The following TLR3 variants were observed in gnomAD, a reference collection of about 807,000 sequenced individuals.
The protein encoded by TLR3 is toll like receptor 3.
TLR3 carries 43 observed loss-of-function variants against 66.4 expected under a neutral mutation model. That is an observed-to-expected ratio of 0.65 (90% confidence interval 0.51 to 0.83). The LOEUF (loss-of-function observed/expected upper bound fraction) is 0.83, where lower values mean the gene tolerates loss of function less well. Ranked by LOEUF, TLR3 falls within the 40% of genes least tolerant of loss-of-function variation. The pLI is 0.00. For synonymous variants in TLR3, 397 were observed against 397.2 expected (o/e 1.00, Z 0.01); for missense variants, 982 against 1,044.6 (o/e 0.94, Z 0.83).
At position 186,079,020 on chromosome 4, in the gene TLR3, C is replaced by A; in HGVS notation, c.622C>A (p.Gln208Lys). The change falls in exon 3 of 5, where the codon CAA (glutamine) becomes AAA (lysine). Residue 208 changes from glutamine (Q) to lysine (K), a missense_variant. Gln to Lys is a moderately conservative substitution (Grantham distance 53). Transcript: ENST00000296795. ...AAAAAAATTAGAGTTGTCATCGAAT[C>A]AAATTAAAGAGGTAAGAAGTAAGGT... ...SLKKLELSSNQIKEFSPGCFH... is the reference protein window; with the variant it reads ...SLKKLELSSNKIKEFSPGCFH... The A allele has an allele frequency of 1.2e-6, 2 of 1,613,080 alleles. No homozygotes were observed. Among genetic ancestry groups the A allele is most frequent in the South Asian group, 2.2e-5 (2 of 90,932 alleles).
At chr4:186,078,089 C>G (rs2099302755) in intron 2 of TLR3, among the ~76,000 whole-genome samples, 1 of 152,090 alleles carries the variant, frequency 6.6e-6, no homozygotes, top group Non-Finnish European at 1.5e-5. Context: ...AATACAAAGG[C>G]CTCAAAATCT....
rs908312610 is a variant in TLR3 at position 186,082,802 on chromosome 4, C to T, written c.1116C>T (p.Ser372=). ...MEDNDIPGIK[S]NMFTGLINLK... ...ATAATGATATTCCAGGCATAAAAAG[C>T]AATATGTTCACAGGATTGATAAACC... Residue 372 remains serine (S), a synonymous_variant, in exon 4 of 5, where the codon AGC becomes AGT. Coordinates refer to ENST00000296795, the MANE Select transcript of TLR3 (RefSeq NM_003265.3). 1.1e-5 allele frequency: 17 copies of T among 1,613,980 alleles called. No homozygotes were observed. The highest frequency in any genetic ancestry group is 1.4e-5 in the Non-Finnish European group (16 of 1,180,014).
chr4:186,070,285 T>C (rs2099301213), intron 1 of TLR3, among the ~76,000 whole-genome samples: 1 of 152,266 alleles, frequency 6.6e-6, no homozygotes, highest in East Asian at 1.9e-4. Context: ...ATAAACTTAC[T>C]GAATTTTTGC....
chr4:186,086,092 G>T lies in TLR3; in HGVS notation c.*1219G>T, dbSNP rs1313289344. The T allele has an allele frequency of 6.6e-6, 1 of 152,204 alleles. No individual in the cohort carries two copies. Among genetic ancestry groups the T allele is most frequent in the East Asian group, 1.9e-4 (1 of 5,192 alleles). The allele number at this position is 152,204 out of a possible 1,614,324, so 9.4% of individuals were successfully genotyped here. Reference sequence around the variant, plus strand: ...TTGGCCAGGCTGGTCTTGAACTCCTGACCTCAAGTGATCCTCTCGCCTTGG... The same window carrying T: ...TTGGCCAGGCTGGTCTTGAACTCCTTACCTCAAGTGATCCTCTCGCCTTGG... On this transcript the variant is annotated 3_prime_UTR_variant, in exon 5 of 5. Transcript: ENST00000296795.
At position 186,078,929 on chromosome 4, in the gene TLR3, A is replaced by G; in HGVS notation, c.531A>G (p.Leu177=). ...QVQLENLQEL[L]LSNNKIQALK... ...AGCTGGAAAATCTCCAAGAGCTTCT[A>G]TTATCAAACAATAAAATTCAAGCGC... Residue 177 remains leucine, a synonymous_variant, in exon 3 of 5, where the codon CTA becomes CTG. Transcript: ENST00000296795. 1.2e-6 allele frequency: 2 copies of G among 1,613,990 alleles called. No individual in the cohort carries two copies. Among genetic ancestry groups the G allele is most frequent in the Non-Finnish European group, 1.7e-6 (2 of 1,179,974 alleles).
chr4:186,074,197 C>G (rs910372494), intron 1 of TLR3, among the ~76,000 whole-genome samples: 1 of 152,220 alleles, frequency 6.6e-6, no homozygotes, highest in Non-Finnish European at 1.5e-5. Context: ...AGAACACAGT[C>G]ATGTGGCACT....
chr4:186,080,020 A>T (rs556383534), intron 3 of TLR3, among the ~76,000 whole-genome samples: 31 of 152,300 alleles, frequency 2.0e-4, no homozygotes, highest in African/African-American at 7.5e-4. Context: ...GTCCTGGATC[A>T]TGAAGACAGA....
Position 186,083,595 on chromosome 4 carries a change from C to A in TLR3, c.1909C>A (p.Leu637Met). 6.2e-7 allele frequency: 1 copy of A among 1,611,850 alleles called. No individual in the cohort carries two copies. Among genetic ancestry groups the A allele is most frequent in the African/African-American group, 1.3e-5 (1 of 74,904 alleles). The change falls in exon 4 of 5, where the codon CTG becomes ATG. Residue 637 changes from leucine to methionine, a missense_variant. By Grantham distance (15) the Leu-to-Met change is conservative. Around this residue, in one of 3 missense-constraint regions of TLR3, gnomAD observed 666 missense variants for 709.0 expected, o/e 0.94. Transcript: ENST00000296795. The surrounding 1 kb of genome is among the most constrained non-coding windows in gnomAD (Gnocchi z 4.0). ...GGTTTTCGGGCCAGCTTTCAGGAAC[C>A]TGACTGAGTTAGATATGCGCTTTAA... The part of the protein sequence containing the change: ...KKVFGPAFRN[L>M]TELDMRFNPF...
chr4:186,076,947 G>A lies in TLR3; in HGVS notation c.328G>A (p.Glu110Lys), dbSNP rs774089808. 1 of 1,614,186 alleles carries A rather than the reference G, an allele frequency of 6.2e-7. No individual in the cohort carries two copies. The highest frequency in any genetic ancestry group is 1.1e-5 in the South Asian group (1 of 91,084). Reference sequence around the variant, plus strand: ...AAAAGTTTTGAACCTCCAGCACAATGAGCTATCTCAACTTTCTGATAAAAC... The same window carrying A: ...AAAAGTTTTGAACCTCCAGCACAATAAGCTATCTCAACTTTCTGATAAAAC... ...MLKVLNLQHNELSQLSDKTFA... is the reference protein window; with the variant it reads ...MLKVLNLQHNKLSQLSDKTFA... The change falls in exon 2 of 5, where the codon GAG becomes AAG. Residue 110 changes from glutamate (E) to lysine (K), a missense_variant. Physicochemically the swap from Glu to Lys is moderately conservative, Grantham distance 56 (BLOSUM62 1). This residue lies in a region of TLR3 where 313 missense variants were observed against 319.0 expected (regional missense o/e 0.98). Transcript: ENST00000296795.
At chr4:186,082,182 A>C in intron 3 of TLR3, 138 bp from the exon 4 acceptor site, 1 of 775,460 alleles carries the variant, frequency 1.3e-6, no homozygotes, top group Non-Finnish European at 2.0e-6. Context: ...CTGAGATTGC[A>C]CTGCTGTACT....
Position 186,082,838 on chromosome 4 carries a change from A to C in TLR3, c.1152A>C (p.Leu384Phe). 1 of 1,613,862 alleles carries C rather than the reference A, an allele frequency of 6.2e-7. No homozygotes were observed. Among genetic ancestry groups the C allele is most frequent in the Non-Finnish European group, 8.5e-7 (1 of 1,179,842 alleles). Residue 384 changes from leucine to phenylalanine, a missense_variant, in exon 4 of 5, where the codon TTA (leucine) becomes TTC (phenylalanine). Leu to Phe is a conservative substitution (Grantham distance 22). Transcript: ENST00000296795. Reference sequence around the variant, plus strand: ...CAGGATTGATAAACCTGAAATACTTAAGTCTATCCAACTCCTTTACAAGTT... The same window carrying C: ...CAGGATTGATAAACCTGAAATACTTCAGTCTATCCAACTCCTTTACAAGTT... ...MFTGLINLKY[L>F]SLSNSFTSLR...
At position 186,077,180 on chromosome 4, in the gene TLR3, A is replaced by G. The variant is rs529030644; in HGVS notation, c.441+120A>G. On this transcript the variant is annotated intron_variant, in intron 2 of 4. Transcript: ENST00000296795. ...ATTTGATCTAATCCAATTTGCCACAAATATTGCCATTATAATAGAAAATGC... is the reference window on the plus strand; with the variant it reads ...ATTTGATCTAATCCAATTTGCCACAGATATTGCCATTATAATAGAAAATGC... 159 of 1,026,196 alleles carry G rather than the reference A, an allele frequency of 1.5e-4. 1 individual carries two copies. In the South Asian group the frequency reaches 2.5e-3, roughly 16 times the overall value. 63.6% of individuals were successfully genotyped at this position (1,026,196 alleles called of 1,614,324 possible).
chr4:186,077,577 C>T (rs1261900311), intron 2 of TLR3, among the ~76,000 whole-genome samples: 13 of 152,018 alleles, frequency 8.6e-5, no homozygotes, highest in Admixed American at 8.5e-4. Flanking sequence ...CTTTTCAAAA[C>T]TTTGCTCGAA....
At chr4:186,080,872 G>T (rs1371747133) in intron 3 of TLR3, among the ~76,000 whole-genome samples, 1 of 152,078 alleles carries the variant, frequency 6.6e-6, no homozygotes, top group Admixed American at 6.6e-5. Context: ...GATTACAGGC[G>T]TGAGCCACCG....
intron 1 of TLR3, among the ~76,000 whole-genome samples, chr4:186,076,158 C>T (rs1050921205): frequency 2.0e-5 from 3 of 151,920 alleles, no homozygotes; most frequent in African/African-American, 7.3e-5. Context: ...ATCTCAAAAA[C>T]AAAACAGAAC....
At chr4:186,077,851 T>C (rs950864161) in intron 2 of TLR3, among the ~76,000 whole-genome samples, 3 of 152,014 alleles carry the variant, frequency 2.0e-5, no homozygotes, top group Admixed American at 6.6e-5. Flanking sequence ...AAACGCATGT[T>C]ATTGTTTCTA....
chr4:186,083,166 A>T lies in TLR3; in HGVS notation c.1480A>T (p.Asn494Tyr). Residue 494 changes from asparagine to tyrosine, a missense_variant, in exon 4 of 5, where the codon AAT (asparagine) becomes TAT (tyrosine). By Grantham distance (143) the Asn-to-Tyr change is moderately radical. Transcript: ENST00000296795. This position sits in a 1 kb window ranked among gnomAD's most constrained non-coding sequence, Gnocchi z 4.0. ...RLMLRRVALK[N>Y]VDSSPSPFQP... is the part of the protein sequence containing the mutation. The stretch of plus-strand genomic sequence containing the variant: ...GATGCTCCGAAGGGTGGCCCTTAAA[A>T]ATGTGGATAGCTCTCCTTCACCATT... 12 of 1,614,210 alleles carry T rather than the reference A, an allele frequency of 7.4e-6. No individual in the cohort carries two copies. Among genetic ancestry groups the T allele is most frequent in the African/African-American group, 1.3e-5 (1 of 75,062 alleles).
chr4:186,083,482 A>G lies in TLR3; in HGVS notation c.1796A>G (p.Asn599Ser). ...KIIDLGLNNLNTLPASVFNNQ... is the reference protein window; with the variant it reads ...KIIDLGLNNLSTLPASVFNNQ... ...ATCGATTTAGGATTGAATAATTTAA[A>G]CACACTTCCAGCATCTGTCTTTAAT... Residue 599 changes from asparagine (N) to serine (S), a missense_variant, in exon 4 of 5, where the codon AAC becomes AGC. This residue lies in a region of TLR3 where 666 missense variants were observed against 709.0 expected (regional missense o/e 0.94). Transcript: ENST00000296795. This position sits in a 1 kb window ranked among gnomAD's most constrained non-coding sequence, Gnocchi z 4.0. The G allele has an allele frequency of 6.2e-7, 1 of 1,607,638 alleles. No individual in the cohort carries two copies. The highest frequency in any genetic ancestry group is 8.5e-7 in the Non-Finnish European group (1 of 1,176,140).
chr4:186,073,971 G>T (rs371302552), intron 1 of TLR3, among the ~76,000 whole-genome samples: 34 of 152,150 alleles, frequency 2.2e-4, no homozygotes, highest in Admixed American at 1.8e-3. Context: ...GTTAAATATC[G>T]TTAGTCGGCA....
Sources: allele counts gnomAD v4.1 joint callset (sites outside exome capture counted in the v4.1 genomes callset), GRCh38; gene constraint gnomAD v4.1.1; regional missense constraint gnomAD v4.1.1; non-coding constraint Gnocchi (gnomAD v3.1); transcripts MANE v1.5; gene names NCBI Gene and HGNC (gene_info 2026-07-23, HGNC 2026-07-21).